SYNE2: variants seen among roughly 807,000 people sequenced by gnomAD.
SYNE2 encodes nesprin-2.
In SYNE2, 431 loss-of-function variants were observed where a neutral mutation model predicts 856.3. The ratio of observed to expected loss-of-function variants is 0.50; its 90% CI spans 0.47 to 0.55. The LOEUF (loss-of-function observed/expected upper bound fraction) is 0.55, where lower values mean the gene tolerates loss of function less well. SYNE2 is among the 20% of genes least tolerant of loss of function. SYNE2 has a pLI of 0.00. For synonymous variants in SYNE2, 2,923 were observed against 2,872.3 expected (o/e 1.02, Z -0.56); for missense variants, 8,129 against 8,023.2 (o/e 1.01, Z -0.50).
intron 1 of SYNE2, among the ~76,000 whole-genome samples, chr14:63,878,440 G>A (rs6573537): frequency 0.066 from 10,088 of 152,228 alleles, 486 homozygotes; most frequent in African/African-American, 0.13. Context: ...TCATATTTGG[G>A]GCCACACAAG....
chr14:64,219,104 G>GTTTGTTTTTTTT, intron 109 of SYNE2, 104 bp from the exon 110 acceptor site: 1 of 407,786 alleles, frequency 2.5e-6, no homozygotes, highest in Non-Finnish European at 4.0e-6. Flanking sequence ...CAGTTTTTTT[G>GTTTGTTTTTTTT]TTTTTTTTTT....
rs117079709 is a variant in SYNE2 at position 64,005,920 on chromosome 14, G to A, written c.4398-1123G>A. On this transcript the variant is annotated intron_variant, in intron 30 of 115. Transcript: ENST00000555002. ...TCAGGAAGATGAGGGGGAACTAGCC[G>A]AAGAAACTGAGAAGGGAGAGGCCAG... Among the ~76,000 whole-genome samples, 161 of 152,276 alleles carry A rather than the reference G, an allele frequency of 1.1e-3. 3 individuals are homozygous for A. In the East Asian group the frequency reaches 0.015, roughly 14 times the overall value.
chr14:64,155,418 G>C (rs2098277834), intron 85 of SYNE2, among the ~76,000 whole-genome samples: 1 of 152,118 alleles, frequency 6.6e-6, no homozygotes, highest in Non-Finnish European at 1.5e-5. Flanking sequence ...ATTCTATAAA[G>C]ACAGAAGGCA....
intron 45 of SYNE2, among the ~76,000 whole-genome samples, 173 bp downstream of exon 45, chr14:64,031,530 T>G (rs1013926304): frequency 1.3e-5 from 2 of 152,254 alleles, no homozygotes; most frequent in East Asian, 3.8e-4. Flanking sequence ...GTCCAGGATT[T>G]CAGTGGTGAA....
intron 28 of SYNE2, 78 bp from the exon 29 acceptor site, chr14:64,001,856 C>T: frequency 6.9e-7 from 1 of 1,459,652 alleles, no homozygotes; most frequent in Non-Finnish European, 9.6e-7. Context: ...GTTCTTAGTT[C>T]AGTAATTGTG....
intron 64 of SYNE2, among the ~76,000 whole-genome samples, chr14:64,104,849 C>G (rs1399585007): frequency 6.6e-6 from 1 of 152,186 alleles, no homozygotes; most frequent in Non-Finnish European, 1.5e-5. Context: ...TGGCTTTTCT[C>G]TTAAATCTAT....
chr14:64,030,573 C>T (rs2097025627), intron 44 of SYNE2, among the ~76,000 whole-genome samples: 1 of 152,142 alleles, frequency 6.6e-6, no homozygotes, highest in Admixed American at 6.5e-5. Context: ...TAAGATAGTA[C>T]ACTAGGTGAA....
At chr14:64,121,562 A>G (rs1007739412) in intron 68 of SYNE2, among the ~76,000 whole-genome samples, 2 of 152,278 alleles carry the variant, frequency 1.3e-5, no homozygotes, top group East Asian at 1.9e-4. Context: ...AGCTTTCTAT[A>G]TGGAATTTCT....
chr14:63,994,261 G>C (rs1566996558), intron 22 of SYNE2, among the ~76,000 whole-genome samples: 1 of 152,092 alleles, frequency 6.6e-6, no homozygotes, highest in Non-Finnish European at 1.5e-5. Flanking sequence ...TTGATGCAAG[G>C]ATTTATAGAA....
chr14:63,791,937 C>G (rs1031473231), intron 1 of SYNE2, among the ~76,000 whole-genome samples: 2 of 124,924 alleles, frequency 1.6e-5, no homozygotes, highest in Non-Finnish European at 3.4e-5. Flanking sequence ...GAGCGAGACT[C>G]CGTCTCAAAA....
chr14:64,164,928 C>A (rs1272888744), intron 89 of SYNE2, among the ~76,000 whole-genome samples: 4 of 151,890 alleles, frequency 2.6e-5, no homozygotes, highest in African/African-American at 7.3e-5. Flanking sequence ...TATTCTGTCA[C>A]CCAGGCTGGC....
chr14:63,909,176 G>T lies in SYNE2; in HGVS notation c.28G>T (p.Glu10Ter). 6.2e-7 allele frequency: 1 copy of T among 1,613,114 alleles called. No individual in the cohort carries two copies. Among genetic ancestry groups the T allele is most frequent in the Non-Finnish European group, 8.5e-7 (1 of 1,179,502 alleles). ...GGCATCTAGTCCTGAGCTTCCCACC[G>T]AAGATGAACAGGGTTCCTGGGGCAT... is the stretch of plus-strand genomic sequence containing the variant. Reference protein sequence around the residue: MASSPELPTEDEQGSWGIDD... With the variant: MASSPELPT The change falls in exon 2 of 116, where the codon GAA becomes TAA. Residue 10 changes from glutamate to a stop codon, truncating the protein, a stop_gained. Coordinates refer to ENST00000555002, the MANE Select transcript of SYNE2 (RefSeq NM_182914.3). LOFTEE classifies it high-confidence loss of function.
At chr14:64,022,171 T>C (rs1271086995) in intron 37 of SYNE2, 143 bp downstream of exon 37, 7 of 809,600 alleles carry the variant, frequency 8.6e-6, no homozygotes, top group South Asian at 6.4e-5. Context: ...GATAAATCTT[T>C]TGGGAGCAAA....
At chr14:64,054,719 C>T (rs1281241158) in intron 48 of SYNE2, among the ~76,000 whole-genome samples, 3 of 152,188 alleles carry the variant, frequency 2.0e-5, no homozygotes, top group African/African-American at 4.8e-5. Flanking sequence ...CCCTTCCCTT[C>T]CTTTTGGTAG....
intron 61 of SYNE2, among the ~76,000 whole-genome samples, chr14:64,094,159 T>A (rs981618108): frequency 6.6e-6 from 1 of 151,680 alleles, no homozygotes; most frequent in Non-Finnish European, 1.5e-5. Context: ...GGTGAAACCC[T>A]GTCTCTACTA....
chr14:64,014,106 T>C (rs1369523952), intron 32 of SYNE2, among the ~76,000 whole-genome samples: 1 of 152,112 alleles, frequency 6.6e-6, no homozygotes, highest in African/African-American at 2.4e-5. Flanking sequence ...AAAAATTTTA[T>C]AAATGAAATT....
At position 64,051,911 on chromosome 14, in the gene SYNE2, T is replaced by G; in HGVS notation, c.7998T>G (p.Ile2666Met). ...PEERAGNQSM[I>M]ALTTDLQATK... ...AACGGGCAGGGAACCAAAGCATGAT[T>G]GCCTTGACCACTGACCTCCAGGCTA... The change falls in exon 48 of 116, where the codon ATT (isoleucine) becomes ATG (methionine). Residue 2666 changes from isoleucine to methionine, a missense_variant. Transcript: ENST00000555002. 6.2e-7 allele frequency: 1 copy of G among 1,613,924 alleles called. No homozygotes were observed. The highest frequency in any genetic ancestry group is 8.5e-7 in the Non-Finnish European group (1 of 1,180,032).
intron 1 of SYNE2, among the ~76,000 whole-genome samples, chr14:63,818,987 T>G (rs1450002904): frequency 6.6e-6 from 1 of 151,714 alleles, no homozygotes; most frequent in Non-Finnish European, 1.5e-5. Flanking sequence ...CGTGAGCCAC[T>G]GCACCTGGCC....
intron 63 of SYNE2, among the ~76,000 whole-genome samples, chr14:64,100,531 A>AAAAAAAAAAAT (rs1491537041): frequency 2.5e-5 from 1 of 39,494 alleles, no homozygotes; most frequent in African/African-American, 9.2e-5. Context: ...AAAAAAAAAA[A>AAAAAAAAAAAT]ATATATATAT....
Sources: gnomAD v4.1 joint callset for allele counts (sites outside exome capture counted in the v4.1 genomes callset) on GRCh38, gnomAD v4.1.1 for gene constraint, MANE v1.5 for transcripts, NCBI Gene and HGNC (gene_info 2026-07-23, HGNC 2026-07-21) for gene names.